Variants in NIBAN1 observed in about 807,000 individuals in gnomAD.
The protein encoded by NIBAN1 is protein Niban 1.
NIBAN1 carries 81 observed loss-of-function variants against 75.1 expected under a neutral mutation model. The observed-to-expected ratio is 1.08, with a 90% CI of 0.90 to 1.30. NIBAN1 has a LOEUF of 1.30. Among genes scored for constraint, NIBAN1 ranks in the 50% most tolerant of loss-of-function variants. NIBAN1 has a pLI of 0.00. For synonymous variants in NIBAN1, 436 were observed against 424.8 expected (o/e 1.03, Z -0.32); for missense variants, 1,133 against 1,128.1 (o/e 1.00, Z -0.06).
In NIBAN1 at chr1:184,803,575, A is replaced by T. The variant is rs374872615; in HGVS notation, c.1554+10T>A. 438 of 1,608,372 alleles carry T rather than the reference A, an allele frequency of 2.7e-4. No homozygotes were observed. Among genetic ancestry groups the T allele is most frequent in the Non-Finnish European group, 3.5e-4 (409 of 1,175,010 alleles). ...AAGAGCAAGCTCTTTAGGGTAACTC[A>T]TCCCCTTACTGGTTTGCATGTGGAC... is the stretch of plus-strand genomic sequence containing the variant. On this transcript the variant is annotated intron_variant, in intron 12 of 13. Coordinates refer to ENST00000367511, the MANE Select transcript of NIBAN1 (RefSeq NM_052966.4).
chr1:184,950,473 A>G (rs1658333298), intron 1 of NIBAN1, among the ~76,000 whole-genome samples: 3 of 152,204 alleles, frequency 2.0e-5, no homozygotes, highest in Admixed American at 1.3e-4. Flanking sequence ...TAAGCTAGGT[A>G]AAAAGATGAA....
chr1:184,960,468 G>T (rs1057086052), intron 1 of NIBAN1, among the ~76,000 whole-genome samples: 4 of 152,090 alleles, frequency 2.6e-5, no homozygotes, highest in African/African-American at 9.7e-5. Flanking sequence ...CATGCATTAA[G>T]CAAATATTTA....
intron 6 of NIBAN1, among the ~76,000 whole-genome samples, chr1:184,831,052 C>T (rs78610303): frequency 0.022 from 3,288 of 151,970 alleles, 109 homozygotes; most frequent in African/African-American, 0.074. Flanking sequence ...TAAATATGCC[C>T]GTACCCAGCC....
Position 184,839,177 on chromosome 1 carries a change from A to C in NIBAN1, c.602-7215T>G, listed in dbSNP as rs531848291. On this transcript the variant is annotated intron_variant, in intron 5 of 13. Transcript: ENST00000367511. ...AATTAATATCCCCACTTTACAGAAG[A>C]CAAGAAAATGGAGTTTTGGGAAGGC... 3.3e-5 allele frequency among the ~76,000 whole-genome samples: 5 copies of C among 152,328 alleles called. No individual in the cohort carries two copies. The South Asian group carries it at 1.0e-3, about 32-fold the overall frequency.
chr1:184,858,330 A>G (rs1241850908), intron 5 of NIBAN1, among the ~76,000 whole-genome samples: 2 of 152,214 alleles, frequency 1.3e-5, no homozygotes, highest in Non-Finnish European at 2.9e-5. Context: ...AGAATATTAC[A>G]AAACAAAAGG....
intron 1 of NIBAN1, among the ~76,000 whole-genome samples, chr1:184,906,969 C>G (rs1046480185): frequency 6.6e-6 from 1 of 152,136 alleles, no homozygotes; most frequent in Non-Finnish European, 1.5e-5. Context: ...CAGATTATGC[C>G]TCGTTCCCCC....
chr1:184,816,174 T>C (rs1010167484), intron 9 of NIBAN1, among the ~76,000 whole-genome samples: 4 of 152,210 alleles, frequency 2.6e-5, no homozygotes, highest in African/African-American at 9.6e-5. Context: ...ATTTGGTTTA[T>C]GGGGACCCTG....
intron 5 of NIBAN1, among the ~76,000 whole-genome samples, chr1:184,858,354 A>G (rs1481345546): frequency 6.6e-6 from 1 of 152,236 alleles, no homozygotes; most frequent in Non-Finnish European, 1.5e-5. Context: ...AAGAAGAAAA[A>G]GAATGAATAA....
intron 9 of NIBAN1, among the ~76,000 whole-genome samples, chr1:184,809,000 A>T (rs1654289151): frequency 6.6e-6 from 1 of 152,234 alleles, no homozygotes; most frequent in African/African-American, 2.4e-5. Flanking sequence ...CTGGAGGTTT[A>T]AAATAAACAG....
chr1:184,839,727 C>A (rs1202871685), intron 5 of NIBAN1, among the ~76,000 whole-genome samples: 1 of 152,054 alleles, frequency 6.6e-6, no homozygotes, highest in African/African-American at 2.4e-5. Context: ...TCCTGAGTAG[C>A]TGGGATTACA....
chr1:184,796,124 G>C (rs1196509447), intron 13 of NIBAN1, 27 bp from the exon 14 acceptor site: 1 of 1,484,944 alleles, frequency 6.7e-7, no homozygotes, highest in South Asian at 1.4e-5. Flanking sequence ...AACAAAACAT[G>C]ATTTTCTGAT....
intron 1 of NIBAN1, among the ~76,000 whole-genome samples, chr1:184,938,333 T>C (rs1055216812): frequency 3.3e-5 from 5 of 152,130 alleles, no homozygotes; most frequent in African/African-American, 9.7e-5. Flanking sequence ...TGGGGGGTTG[T>C]TTGTGGCAGG....
At chr1:184,913,013 A>G (rs1657284192) in intron 1 of NIBAN1, among the ~76,000 whole-genome samples, 1 of 152,094 alleles carries the variant, frequency 6.6e-6, no homozygotes, top group African/African-American at 2.4e-5. Flanking sequence ...ATTATGATCC[A>G]CACTGAAGTT....
chr1:184,810,751 A>C (rs906540692), intron 9 of NIBAN1, among the ~76,000 whole-genome samples: 10 of 152,130 alleles, frequency 6.6e-5, no homozygotes, highest in African/African-American at 2.4e-4. Context: ...GCACCCCCGG[A>C]GAATTTGTGA....
At chr1:184,831,498 C>T (rs1176657803) in intron 6 of NIBAN1, among the ~76,000 whole-genome samples, 1 of 152,094 alleles carries the variant, frequency 6.6e-6, no homozygotes, top group Non-Finnish European at 1.5e-5. Context: ...TAGCTAAAGC[C>T]CTGTCATGCA....
At chr1:184,870,104 CTG>C (rs1656063226) in intron 5 of NIBAN1, among the ~76,000 whole-genome samples, 1 of 152,182 alleles carries the variant, frequency 6.6e-6, no homozygotes, top group African/African-American at 2.4e-5. Context: ...GCCAGGGACT[CTG>C]AAATTTTAAA....
intron 11 of NIBAN1, among the ~76,000 whole-genome samples, chr1:184,804,951 G>A (rs1557870514): frequency 6.6e-6 from 1 of 152,006 alleles, no homozygotes; most frequent in Non-Finnish European, 1.5e-5. Context: ...ACCACACCCG[G>A]CTAGTTTTTT....
intron 9 of NIBAN1, among the ~76,000 whole-genome samples, chr1:184,815,383 G>A (rs772620953): frequency 6.6e-6 from 1 of 152,126 alleles, no homozygotes; most frequent in Non-Finnish European, 1.5e-5. Flanking sequence ...TGAACTTTGG[G>A]TCCATAATCT....
At chr1:184,965,265 CTCCAGCCT>C (rs1410182156) in intron 1 of NIBAN1, among the ~76,000 whole-genome samples, 1 of 151,714 alleles carries the variant, frequency 6.6e-6, no homozygotes, top group Non-Finnish European at 1.5e-5. Flanking sequence ...CGCCACTGCA[CTCCAGCCT>C]GGGCAACAGA....
Sources: allele counts gnomAD v4.1 joint callset (sites outside exome capture counted in the v4.1 genomes callset), GRCh38; gene constraint gnomAD v4.1.1; transcripts MANE v1.5; gene names NCBI Gene and HGNC (gene_info 2026-07-23, HGNC 2026-07-21).